ANKFN1: variants seen among roughly 807,000 people sequenced by gnomAD.
ANKFN1 encodes ankyrin repeat and fibronectin type III domain containing 1, also known as ankyrin repeat and fibronectin type-III domain-containing protein 1.
In ANKFN1, 74 loss-of-function variants were observed where a neutral mutation model predicts 108.7. The ratio of observed to expected loss-of-function variants is 0.68; its 90% CI spans 0.56 to 0.83. The LOEUF is 0.83. Ranked by LOEUF, ANKFN1 falls within the 40% of genes least tolerant of loss-of-function variation. ANKFN1 has a pLI of 0.00. For missense variants in ANKFN1, 1,505 were observed against 1,382.3 expected, an observed-to-expected ratio of 1.09 and a Z score of -1.41; for synonymous variants, 547 against 516.2, an observed-to-expected ratio of 1.06 and a Z score of -0.81.
intron 1 of ANKFN1, chr17:56,206,341 C>T (rs1257644583): frequency 2.0e-5 from 3 of 152,136 alleles, no homozygotes; most frequent in Non-Finnish European, 4.4e-5. Flanking sequence ...AAGTTCTCCC[C>T]TCCCCATGGC....
chr17:56,435,770 T>A (rs1391643549), intron 8 of ANKFN1, among the ~76,000 whole-genome samples: 1 of 151,832 alleles, frequency 6.6e-6, no homozygotes, highest in Non-Finnish European at 1.5e-5. Context: ...ATCAATTGAA[T>A]AAAAATTAAT....
rs187672704 is a variant in ANKFN1, at chr17:56,086,478, C to T, written c.288+40153C>T. Among the ~76,000 whole-genome samples the T allele has an allele frequency of 2.0e-5, 3 of 151,438 alleles. 1 individual carries two copies. The highest frequency in any genetic ancestry group is 4.4e-5 in the Non-Finnish European group (3 of 67,782). On this transcript the variant is annotated intron_variant, in intron 4 of 12. Coordinates refer to the ANKFN1 transcript ENST00000635860. ...TTGGCCCCCACTGGGAAAAGGATTA[C>T]TGTTTCAAAGTTCACATTTCCAATG...
At chr17:56,474,159 A>G (rs183093944) in intron 15 of ANKFN1, among the ~76,000 whole-genome samples, 2 of 152,320 alleles carry the variant, frequency 1.3e-5, no homozygotes, top group Non-Finnish European at 2.9e-5. Flanking sequence ...CAGAATGTCA[A>G]TAAATAAGCT....
chr17:56,506,607 A>G (rs891209600), intron 20 of ANKFN1, among the ~76,000 whole-genome samples: 1 of 151,488 alleles, frequency 6.6e-6, no homozygotes, highest in Non-Finnish European at 1.5e-5. Flanking sequence ...TAAGCCACCC[A>G]GTATGTGGTA....
chr17:56,449,622 A>G (rs1378421879), intron 11 of ANKFN1, among the ~76,000 whole-genome samples: 1 of 152,228 alleles, frequency 6.6e-6, no homozygotes, highest in Non-Finnish European at 1.5e-5. Context: ...TTAATAATAT[A>G]GTTTACAATG....
upstream of ANKFN1, among the ~76,000 whole-genome samples, chr17:56,152,260 A>T (rs8076128): frequency 2.3e-5 from 3 of 128,688 alleles, no homozygotes; most frequent in Middle Eastern, 3.9e-3. Context: ...ATATATATAT[A>T]TATGTGTGTG....
intron 1 of ANKFN1, among the ~76,000 whole-genome samples, chr17:56,201,095 T>A (rs1033681292): frequency 2.6e-5 from 4 of 152,168 alleles, no homozygotes; most frequent in Non-Finnish European, 5.9e-5. Context: ...CACCCCATCA[T>A]GTCACACACA....
intron 8 of ANKFN1, among the ~76,000 whole-genome samples, chr17:56,394,279 G>T (rs1454665954): frequency 6.6e-6 from 1 of 152,088 alleles, no homozygotes; most frequent in Non-Finnish European, 1.5e-5. Flanking sequence ...GCTCCTCCAA[G>T]CTCACTGTCT....
chr17:56,437,973 G>GGGGGGTGTGTGTGTGT (rs1555653063), intron 8 of ANKFN1, among the ~76,000 whole-genome samples: 1 of 142,176 alleles, frequency 7.0e-6, no homozygotes, highest in Non-Finnish European at 1.5e-5. Flanking sequence ...ATCTACTGTA[G>GGGGGGTGTGTGTGTGT]GTGTGTGTGT....
At chr17:56,388,067 A>T (rs9892936) in intron 8 of ANKFN1, among the ~76,000 whole-genome samples, 88,227 of 151,796 alleles carry the variant, frequency 0.58, 28,825 homozygotes, top group East Asian at 0.96. Context: ...CACTTTTAAC[A>T]TTTTTTAGTT....
intron 4 of ANKFN1, among the ~76,000 whole-genome samples, chr17:56,117,080 T>C (rs1017318983): frequency 6.6e-6 from 1 of 152,200 alleles, no homozygotes; most frequent in Non-Finnish European, 1.5e-5. Flanking sequence ...TGTTCTTGCC[T>C]TATTTTCCTT....
intron 8 of ANKFN1, among the ~76,000 whole-genome samples, chr17:56,394,925 G>A (rs2047535624): frequency 6.6e-6 from 1 of 152,158 alleles, no homozygotes; most frequent in South Asian, 2.1e-4. Context: ...CTAAGAAATA[G>A]GTGTTGTAGC....
intron 6 of ANKFN1, among the ~76,000 whole-genome samples, chr17:56,358,637 C>T (rs1598455083): frequency 1.3e-5 from 2 of 152,264 alleles, no homozygotes; most frequent in East Asian, 3.9e-4. Context: ...AACAATCAGC[C>T]ATTATTGAAG....
At chr17:56,100,203 G>A (rs1016817782) in intron 4 of ANKFN1, among the ~76,000 whole-genome samples, 2 of 152,206 alleles carry the variant, frequency 1.3e-5, no homozygotes, top group Admixed American at 1.3e-4. Flanking sequence ...CAAGTATTCT[G>A]TATCTGTCCC....
At chr17:56,453,818 G>A (rs1051649512) in intron 11 of ANKFN1, among the ~76,000 whole-genome samples, 1 of 151,388 alleles carries the variant, frequency 6.6e-6, no homozygotes, top group Admixed American at 6.6e-5. Flanking sequence ...ATATTTTGAA[G>A]GTATTGTTTC....
chr17:56,236,238 T>C (rs1871540680), intron 3 of ANKFN1, among the ~76,000 whole-genome samples: 3 of 152,034 alleles, frequency 2.0e-5, no homozygotes, highest in Admixed American at 2.0e-4. Flanking sequence ...TTTGTATTTT[T>C]AGTAGAGACG....
chr17:56,064,355 G>A (rs115331649), intron 4 of ANKFN1, among the ~76,000 whole-genome samples: 3,143 of 152,302 alleles, frequency 0.021, 58 homozygotes, highest in African/African-American at 0.033. Context: ...GCTGGTCTGC[G>A]GAGACTGCGG....
rs549243687 is a variant in ANKFN1 at position 56,515,712 on chromosome 17, A to G, written c.*4443A>G. ...GCAAAAAGTATTTTTAGAAAAATCC[A>G]TTGACTGTTTATGAAGCACTGATTT... On this transcript the variant is annotated 3_prime_UTR_variant, in exon 21 of 21. Transcript: ENST00000682825. Among the ~76,000 whole-genome samples, 1 of 152,340 alleles carries G rather than the reference A, an allele frequency of 6.6e-6. No individual in the cohort carries two copies. The highest frequency in any genetic ancestry group is 2.4e-5 in the African/African-American group (1 of 41,590).
intron 3 of ANKFN1, among the ~76,000 whole-genome samples, chr17:56,265,550 G>T (rs1337972942): frequency 6.6e-6 from 1 of 152,052 alleles, no homozygotes; most frequent in East Asian, 1.9e-4. Context: ...AAAATTTTAG[G>T]CTGTGGTTAG....
Sources: gnomAD v4.1 joint callset for allele counts (sites outside exome capture counted in the v4.1 genomes callset) on GRCh38, gnomAD v4.1.1 for gene constraint, MANE v1.5 for transcripts, NCBI Gene and HGNC (gene_info 2026-07-23, HGNC 2026-07-21) for gene names.